Variants in GALNT13 observed in about 807,000 individuals in gnomAD.
The protein encoded by GALNT13 is UDP-GalNAc:polypeptide N-acetylgalactosaminyltransferase 13.
In GALNT13, 28 loss-of-function variants were observed where a neutral mutation model predicts 64.2. The observed-to-expected ratio is 0.44, with a 90% confidence interval of 0.32 to 0.60. The LOEUF is 0.60. Ranked by LOEUF, GALNT13 falls within the 20% of genes least tolerant of loss-of-function variation. The pLI is 0.05. For synonymous variants in GALNT13, 214 were observed against 224.6 expected (o/e 0.95, Z 0.42); for missense variants, 577 against 669.8 (o/e 0.86, Z 1.53).
At chr2:153,209,111 G>C in the GALNT13 span, among the ~76,000 whole-genome samples, 1 of 151,232 alleles carries the variant, frequency 6.6e-6, no homozygotes. Flanking sequence ...CAGAGTAGCC[G>C]GGACTACAGG....
chr2:153,426,933 T>C, the GALNT13 span, among the ~76,000 whole-genome samples: 1 of 152,020 alleles, frequency 6.6e-6, no homozygotes, highest in Admixed American at 6.6e-5. Flanking sequence ...TTATTGGAAA[T>C]TTTTGTTTTC....
chr2:153,829,863 CTTTAT>C, the GALNT13 span, among the ~76,000 whole-genome samples: 1 of 152,002 alleles, frequency 6.6e-6, no homozygotes, highest in Non-Finnish European at 1.5e-5. Context: ...GACTTAATTC[CTTTAT>C]TTTATTTGTT....
At chr2:153,557,624 A>G in the GALNT13 span, among the ~76,000 whole-genome samples, 1 of 152,140 alleles carries the variant, frequency 6.6e-6, no homozygotes, top group Non-Finnish European at 1.5e-5. Flanking sequence ...CTTCCCTACA[A>G]TCTATTCTTC....
the GALNT13 span, among the ~76,000 whole-genome samples, chr2:153,509,196 C>A: frequency 6.6e-6 from 1 of 152,194 alleles, no homozygotes; most frequent in Admixed American, 6.5e-5. Context: ...TTTGAGCCTG[C>A]GGGGAAACAG....
intron 3 of GALNT13, among the ~76,000 whole-genome samples, chr2:153,960,309 G>T (rs904430370): frequency 7.9e-5 from 12 of 152,198 alleles, no homozygotes; most frequent in Non-Finnish European, 1.2e-4. Flanking sequence ...TGGGTGCCAA[G>T]CTGATGCAGG....
chr2:153,555,484 G>A, the GALNT13 span, among the ~76,000 whole-genome samples: 3 of 104,520 alleles, frequency 2.9e-5, 1 homozygote, highest in Non-Finnish European at 6.1e-5. Context: ...GTGAGCCACC[G>A]CGCCCGGCCC....
the GALNT13 span, among the ~76,000 whole-genome samples, chr2:153,382,380 A>G: frequency 1.3e-5 from 2 of 151,914 alleles, no homozygotes; most frequent in African/African-American, 4.8e-5. Context: ...CTTTATGTTC[A>G]TGAGTACCCA....
the GALNT13 span, among the ~76,000 whole-genome samples, chr2:153,697,333 C>A: frequency 6.6e-6 from 1 of 152,072 alleles, no homozygotes; most frequent in South Asian, 2.1e-4. Flanking sequence ...TGTCACTTCC[C>A]CAAATGAACA....
At chr2:153,254,185 G>A in the GALNT13 span, among the ~76,000 whole-genome samples, 1 of 152,134 alleles carries the variant, frequency 6.6e-6, no homozygotes, top group African/African-American at 2.4e-5. Flanking sequence ...CTTCTTCCTG[G>A]TTTAGTCTTG....
chr2:153,993,420 G>A (rs7603550), intron 3 of GALNT13, among the ~76,000 whole-genome samples: 59,304 of 151,734 alleles, frequency 0.39, 14,649 homozygotes, highest in Non-Finnish European at 0.55. Context: ...ATTTGGCCGG[G>A]CACAGTGGCT....
At chr2:153,901,680 A>G (rs367782180) in intron 2 of GALNT13, among the ~76,000 whole-genome samples, 2 of 152,116 alleles carry the variant, frequency 1.3e-5, no homozygotes, top group East Asian at 3.9e-4. Flanking sequence ...ATCAGAGTAA[A>G]TGAGTATTTT....
chr2:153,448,265 G>A, the GALNT13 span, among the ~76,000 whole-genome samples: 4 of 152,082 alleles, frequency 2.6e-5, no homozygotes, highest in African/African-American at 9.7e-5. Flanking sequence ...AACACTGCCC[G>A]CAATGTGAGT....
chr2:153,285,218 A>G, the GALNT13 span, among the ~76,000 whole-genome samples: 1 of 152,210 alleles, frequency 6.6e-6, no homozygotes, highest in South Asian at 2.1e-4. Context: ...CATTATCATG[A>G]GAACAGCATG....
At chr2:153,405,318 C>T in the GALNT13 span, among the ~76,000 whole-genome samples, 24 of 152,104 alleles carry the variant, frequency 1.6e-4, no homozygotes, top group African/African-American at 4.6e-4. Flanking sequence ...AAACTGGCAC[C>T]AGGACTTAAT....
chr2:153,230,310 G>C, the GALNT13 span, among the ~76,000 whole-genome samples: 2 of 152,142 alleles, frequency 1.3e-5, no homozygotes, highest in Non-Finnish European at 2.9e-5. Flanking sequence ...TTTTGGATTA[G>C]ATCAGTCTGA....
the GALNT13 span, among the ~76,000 whole-genome samples, chr2:153,274,118 G>A: frequency 2.0e-5 from 3 of 152,090 alleles, no homozygotes; most frequent in African/African-American, 4.8e-5. Flanking sequence ...CAGGATAATC[G>A]CTGGAACCTG....
chr2:153,927,372 G>A (rs991134920), intron 2 of GALNT13, among the ~76,000 whole-genome samples: 14 of 151,838 alleles, frequency 9.2e-5, no homozygotes, highest in Non-Finnish European at 1.9e-4. Context: ...TTTACAGGTT[G>A]GCTTTTCATG....
intron 3 of GALNT13, among the ~76,000 whole-genome samples, chr2:154,134,268 A>G (rs1682822821): frequency 6.6e-6 from 1 of 152,198 alleles, no homozygotes; most frequent in Non-Finnish European, 1.5e-5. Context: ...GAGCTATAAA[A>G]TTATGAAAGA....
At chr2:154,019,808 G>A (rs941039528) in intron 3 of GALNT13, among the ~76,000 whole-genome samples, 9 of 151,430 alleles carry the variant, frequency 5.9e-5, no homozygotes, top group Non-Finnish European at 1.0e-4. Flanking sequence ...CCATTAACTC[G>A]TTATCTAGCA....
Sources: allele counts gnomAD v4.1 joint callset (sites outside exome capture counted in the v4.1 genomes callset), GRCh38; gene constraint gnomAD v4.1.1; transcripts MANE v1.5; gene names NCBI Gene and HGNC (gene_info 2026-07-23, HGNC 2026-07-21).